FBXW7: variants seen among roughly 807,000 people sequenced by gnomAD.
FBXW7 encodes the protein F-box and WD repeat domain containing 7.
Under a neutral mutation model 86.3 loss-of-function variants are expected in FBXW7, and 11 were observed. The ratio of observed to expected loss-of-function variants is 0.13; its 90% confidence interval spans 0.08 to 0.21. The LOEUF (loss-of-function observed/expected upper bound fraction) is 0.21. Ranked by LOEUF, FBXW7 falls within the 10% of genes least tolerant of loss-of-function variation. The pLI is 1.00. For synonymous variants in FBXW7, 313 were observed against 297.9 expected, an observed-to-expected ratio of 1.05 and a Z score of -0.52; for missense variants, 488 against 847.4, an observed-to-expected ratio of 0.58 and a Z score of 5.27.
chr4:152,352,785 G>C (rs1358225656), intron 4 of FBXW7: 2 of 1,596,620 alleles, frequency 1.3e-6, no homozygotes, highest in East Asian at 2.2e-5. Flanking sequence ...AGAGAACGGA[G>C]AAGATTATTG....
At chr4:152,394,971 T>A (rs1736295234) in intron 4 of FBXW7, among the ~76,000 whole-genome samples, 1 of 152,108 alleles carries the variant, frequency 6.6e-6, no homozygotes, top group Admixed American at 6.6e-5. Context: ...GTTGAGGACA[T>A]GATCTACTGA....
chr4:152,517,745 C>A (rs908225358), intron 2 of FBXW7, among the ~76,000 whole-genome samples: 2 of 152,162 alleles, frequency 1.3e-5, no homozygotes, highest in Non-Finnish European at 2.9e-5. Context: ...ACATAATAAA[C>A]ACTCAAATAC....
chr4:152,413,574 G>A (rs1738165479), intron 2 of FBXW7, among the ~76,000 whole-genome samples: 3 of 152,030 alleles, frequency 2.0e-5, no homozygotes, highest in African/African-American at 7.2e-5. Context: ...CTCCTTTCAT[G>A]CACCTTAAAG....
At position 152,536,001 on chromosome 4, in the gene FBXW7, G is replaced by GGCGGCGGCGGCGGCAGCGGCA. The variant is rs1750530654; in HGVS notation, c.-1108_-1088dup. The stretch of plus-strand genomic sequence containing the variant: ...ATGCTCCTTCGCTCTCAGTCTCAGC[G>GGCGGCGGCGGCGGCAGCGGCA]GCGGCGGCGGCGGCAGCGGCAGCGG... On this transcript the variant is annotated 5_prime_UTR_variant, in exon 1 of 14. Transcript: ENST00000281708. 2 of 209,826 alleles carry GGCGGCGGCGGCGGCAGCGGCA rather than the reference G, an allele frequency of 9.5e-6. No homozygotes were observed. The highest frequency in any genetic ancestry group is 2.6e-5 in the African/African-American group (1 of 38,044). The allele number at this position is 209,826 out of a possible 1,614,324, so 13.0% of individuals were successfully genotyped here.
intron 2 of FBXW7, among the ~76,000 whole-genome samples, chr4:152,454,510 G>C (rs1742227336): frequency 6.6e-6 from 1 of 151,974 alleles, no homozygotes; most frequent in African/African-American, 2.4e-5. Context: ...TCTAACTTCA[G>C]AGAAGTACTT....
intron 2 of FBXW7, among the ~76,000 whole-genome samples, chr4:152,527,901 C>T (rs13146067): frequency 0.023 from 3,500 of 149,260 alleles, 137 homozygotes; most frequent in African/African-American, 0.08. Flanking sequence ...CACACACACA[C>T]ATATATATAC....
chr4:152,524,298 G>C (rs771739097), intron 2 of FBXW7, among the ~76,000 whole-genome samples: 3 of 152,116 alleles, frequency 2.0e-5, no homozygotes, highest in Non-Finnish European at 2.9e-5. Flanking sequence ...CAGCTACTAT[G>C]TCACATATAG....
chr4:152,531,030 T>C (rs1381545800), intron 2 of FBXW7, among the ~76,000 whole-genome samples: 1 of 152,218 alleles, frequency 6.6e-6, no homozygotes, highest in African/African-American at 2.4e-5. Flanking sequence ...AGCCTATGCA[T>C]GGCCTTTGGG....
At chr4:152,448,301 G>GA in intron 2 of FBXW7, among the ~76,000 whole-genome samples, 1 of 152,200 alleles carries the variant, frequency 6.6e-6, no homozygotes, top group Non-Finnish European at 1.5e-5. Context: ...ACAATCTGAT[G>GA]ATGACAAAAT....
At chr4:152,395,787 TCA>T (rs1296401311) in intron 4 of FBXW7, among the ~76,000 whole-genome samples, 2 of 152,058 alleles carry the variant, frequency 1.3e-5, no homozygotes, top group Admixed American at 6.6e-5. Context: ...TGCATTTATT[TCA>T]GTTTCAGTTA....
intron 2 of FBXW7, among the ~76,000 whole-genome samples, chr4:152,521,640 A>C (rs182006968): frequency 1.3e-5 from 2 of 152,168 alleles, no homozygotes; most frequent in African/African-American, 4.8e-5. Context: ...TCTCTCCCAG[A>C]AATAAGGGGA....
At chr4:152,530,375 C>A (rs1175833167) in intron 2 of FBXW7, 2 of 152,154 alleles carry the variant, frequency 1.3e-5, no homozygotes, top group Admixed American at 1.3e-4. Context: ...TAATTTTACA[C>A]ACGAAGTAAA....
At chr4:152,351,875 G>T (rs897668627) in intron 4 of FBXW7, among the ~76,000 whole-genome samples, 2 of 151,976 alleles carry the variant, frequency 1.3e-5, no homozygotes, top group Non-Finnish European at 2.9e-5. Flanking sequence ...CCCAAAATGT[G>T]TATCAAGGAA....
intron 2 of FBXW7, among the ~76,000 whole-genome samples, chr4:152,501,320 T>G (rs1015076720): frequency 2.0e-5 from 3 of 152,184 alleles, no homozygotes; most frequent in Non-Finnish European, 2.9e-5. Context: ...AACTTATGCT[T>G]CATAGGATTT....
rs1728989371 is a variant in FBXW7 at position 152,326,096 on chromosome 4, T to G, written c.1554A>C (p.Ala518=). The G allele has an allele frequency of 6.2e-7, 1 of 1,613,408 alleles. No individual in the cohort carries two copies. Among genetic ancestry groups the G allele is most frequent in the South Asian group, 1.1e-5 (1 of 91,076 alleles). ...QYDGRRVVSG[A]YDFMVKVWDP... is the part of the protein sequence containing the mutation. ...CCCACACCTTTACCATAAAATCATATGCTCCACTAACAACCCTCCTGCCAT... is the reference window on the plus strand; with the variant it reads ...CCCACACCTTTACCATAAAATCATAGGCTCCACTAACAACCCTCCTGCCAT... Residue 518 remains alanine (A), a synonymous_variant, in exon 12 of 14, where the codon GCA becomes GCC. Coordinates refer to ENST00000281708, the MANE Select transcript of FBXW7 (RefSeq NM_001349798.2).
At chr4:152,510,596 G>A (rs965189605) in intron 2 of FBXW7, among the ~76,000 whole-genome samples, 4 of 152,100 alleles carry the variant, frequency 2.6e-5, no homozygotes, top group South Asian at 2.1e-4. Flanking sequence ...AGCCTAATAC[G>A]GGGCAAGAGG....
intron 2 of FBXW7, among the ~76,000 whole-genome samples, chr4:152,460,496 G>A (rs1473667534): frequency 2.6e-5 from 4 of 152,174 alleles, no homozygotes; most frequent in African/African-American, 9.7e-5. Context: ...CTTTAGAAAT[G>A]CTTGCAATGG....
intron 2 of FBXW7, among the ~76,000 whole-genome samples, chr4:152,434,502 CCT>C (rs759402666): frequency 3.0e-4 from 45 of 152,236 alleles, no homozygotes; most frequent in East Asian, 1.7e-3. Flanking sequence ...TAGTTTACCC[CCT>C]GTCCTAATAA....
intron 6 of FBXW7, among the ~76,000 whole-genome samples, chr4:152,342,431 C>T (rs559784242): frequency 4.6e-5 from 7 of 152,298 alleles, no homozygotes; most frequent in Admixed American, 2.6e-4. Flanking sequence ...TTCTAAAACC[C>T]GCCAGCAGAT....
Sources: allele counts gnomAD v4.1 joint callset (sites outside exome capture counted in the v4.1 genomes callset), GRCh38; gene constraint gnomAD v4.1.1; transcripts MANE v1.5; gene names NCBI Gene and HGNC (gene_info 2026-07-23, HGNC 2026-07-21).